BBS4: variants seen among roughly 807,000 people sequenced by gnomAD.
BBS4 encodes Bardet-Biedl syndrome 4, also known as BBSome complex member BBS4.
A neutral mutation model predicts 71.4 loss-of-function variants in BBS4; 58 were observed. The ratio of observed to expected loss-of-function variants is 0.81; its 90% CI spans 0.66 to 1.01. The LOEUF (loss-of-function observed/expected upper bound fraction) is 1.01. Among genes scored for constraint, BBS4 ranks in the 50% least tolerant of loss-of-function variants. BBS4 has a pLI of 0.00. For missense variants in BBS4, 660 were observed against 607.9 expected (o/e 1.09, Z -0.90); for synonymous variants, 228 against 216.8 (o/e 1.05, Z -0.46).
At chr15:72,720,041 CTTT>C (rs1235793757) in intron 6 of BBS4, among the ~76,000 whole-genome samples, 1 of 145,066 alleles carries the variant, frequency 6.9e-6, no homozygotes, top group Non-Finnish European at 1.5e-5. Context: ...GAGCCACCAC[CTTT>C]TTTTTTTTTA....
At chr15:72,737,177 TGGA>T in intron 15 of BBS4, 1 of 649,342 alleles carries the variant, frequency 1.5e-6, no homozygotes, top group Non-Finnish European at 2.7e-6. Context: ...CAGACTTAGT[TGGA>T]TGGTCTATAC....
At chr15:72,704,860 A>G (rs1000856511) in intron 2 of BBS4, among the ~76,000 whole-genome samples, 28 of 152,092 alleles carry the variant, frequency 1.8e-4, no homozygotes, top group African/African-American at 6.3e-4. Context: ...GGCCTTTATG[A>G]CAGAACTCGA....
chr15:72,708,390 A>C (rs2065303799), intron 2 of BBS4, among the ~76,000 whole-genome samples: 1 of 152,214 alleles, frequency 6.6e-6, no homozygotes, highest in South Asian at 2.1e-4. Context: ...GACACTTACC[A>C]GTTCCCAAAT....
In BBS4 at chr15:72,715,327, C is replaced by G; in HGVS notation, c.257C>G (p.Ser86Cys). Residue 86 changes from serine (S) to cysteine (C), a missense_variant, in exon 5 of 16, where the codon TCC (serine) becomes TGC (cysteine). By Grantham distance (112) the Ser-to-Cys change is moderately radical. Transcript: ENST00000268057. ...CGCCTAGAAGGAAATATCCAAGAAT[C>G]CCTAGAACTCTTCCAGACATGTGCA... ...IFRLEGNIQE[S>C]LELFQTCAVL... 5 of 1,613,820 alleles carry G rather than the reference C, an allele frequency of 3.1e-6. No individual in the cohort carries two copies. The highest frequency in any genetic ancestry group is 4.2e-6 in the Non-Finnish European group (5 of 1,179,772).
intron 2 of BBS4, among the ~76,000 whole-genome samples, chr15:72,702,167 C>T (rs554688229): frequency 7.2e-5 from 11 of 152,208 alleles, no homozygotes; most frequent in South Asian, 2.1e-4. Context: ...ATTAATGTTG[C>T]GTTGCTCAGT....
chr15:72,713,314 GACACACACACACAC>G (rs36072427), intron 4 of BBS4, among the ~76,000 whole-genome samples: 2 of 143,442 alleles, frequency 1.4e-5, no homozygotes, highest in Non-Finnish European at 3.0e-5. Flanking sequence ...AGGTCTTTGT[GACACACACACACAC>G]ACACACACAC....
chr15:72,694,888 C>T (rs1465725417), intron 1 of BBS4, among the ~76,000 whole-genome samples: 3 of 152,094 alleles, frequency 2.0e-5, no homozygotes, highest in African/African-American at 7.2e-5. Context: ...TGTTTAAGAA[C>T]TGAGTATATT....
At chr15:72,731,491 C>G in intron 11 of BBS4, 34 bp downstream of exon 11, 1 of 1,614,130 alleles carries the variant, frequency 6.2e-7, no homozygotes, top group Non-Finnish European at 8.5e-7. Context: ...GTTTGTATTT[C>G]TACATGTGGT....
chr15:72,721,249 T>A (rs1480888633), intron 6 of BBS4, among the ~76,000 whole-genome samples: 1 of 152,236 alleles, frequency 6.6e-6, no homozygotes, highest in East Asian at 1.9e-4. Flanking sequence ...AGTCACTACT[T>A]TTTTTCGAGT....
intron 2 of BBS4, among the ~76,000 whole-genome samples, chr15:72,701,842 C>A (rs774977772): frequency 6.6e-6 from 1 of 151,948 alleles, no homozygotes; most frequent in Non-Finnish European, 1.5e-5. Flanking sequence ...GCTTTAAAAT[C>A]ATTATTATTT....
In BBS4 at chr15:72,737,586, AAG is replaced by A. The variant is rs1374295292; in HGVS notation, c.*1_*2del. On this transcript the variant is annotated stop_retained_variant and 3_prime_UTR_variant, in exon 16 of 16. Transcript: ENST00000268057. ...ACATCAGAACAAATAAGAGAGAAAT[AAG>A]AATAGAATGAATGACCCCAAAATAG... 10 of 1,601,144 alleles carry A rather than the reference AAG, an allele frequency of 6.2e-6. No individual in the cohort carries two copies. The African/African-American group carries it at 9.4e-5, about 15-fold the overall frequency.
intron 2 of BBS4, among the ~76,000 whole-genome samples, chr15:72,699,295 C>T (rs748691400): frequency 6.6e-5 from 10 of 152,048 alleles, no homozygotes; most frequent in Non-Finnish European, 1.5e-4. Flanking sequence ...ACTATGTTGG[C>T]CAGACTGGTA....
In BBS4 at chr15:72,709,878, T is replaced by C. The variant is rs969845246; in HGVS notation, c.156+99T>C. Reference sequence around the variant, plus strand: ...AGTGTGGCAGTTTATATCTCAGTGATAAAACATGAATTCCTTCTTCCCCAT... The same window carrying C: ...AGTGTGGCAGTTTATATCTCAGTGACAAAACATGAATTCCTTCTTCCCCAT... On this transcript the variant is annotated intron_variant, in intron 3 of 15. Coordinates refer to ENST00000268057, the MANE Select transcript of BBS4 (RefSeq NM_033028.5). 1.4e-5 allele frequency: 14 copies of C among 997,880 alleles called. No homozygotes were observed. The Admixed American group carries it at 2.5e-4, about 18-fold the overall frequency. The allele number at this position is 997,880 out of a possible 1,614,324, so 61.8% of individuals were successfully genotyped here. A position where few individuals can be genotyped will look rare whatever the true frequency, so the allele number is the denominator to read the frequency against.
intron 4 of BBS4, among the ~76,000 whole-genome samples, chr15:72,713,806 A>G (rs1228095821): frequency 1.3e-5 from 2 of 152,218 alleles, no homozygotes; most frequent in Non-Finnish European, 2.9e-5. Context: ...TTAAGTGATC[A>G]TCATCATTTA....
intron 2 of BBS4, chr15:72,698,153 G>C (rs1169324099): frequency 7.5e-6 from 3 of 401,246 alleles, no homozygotes; most frequent in African/African-American, 6.1e-5. Context: ...CACAACCTGA[G>C]ACAACATACT....
Position 72,712,281 on chromosome 15 carries a change from T to G in BBS4, c.194T>G (p.Leu65Trp), listed in dbSNP as rs781493259. Reference protein sequence around the residue: ...IKEQLQETQGLCEYAIYVQAL... With the variant: ...IKEQLQETQGWCEYAIYVQAL... ...GAACAGCTTCAAGAGACTCAGGGAT[T>G]GTGTGAATATGCTATCTATGTCCAA... Residue 65 changes from leucine to tryptophan, a missense_variant, in exon 4 of 16, where the codon TTG becomes TGG. Physicochemically the swap from Leu to Trp is moderately conservative, Grantham distance 61. Coordinates refer to ENST00000268057, the MANE Select transcript of BBS4 (RefSeq NM_033028.5). The G allele has an allele frequency of 4.3e-6, 7 of 1,614,082 alleles. No individual in the cohort carries two copies. The highest frequency in any genetic ancestry group is 5.9e-6 in the Non-Finnish European group (7 of 1,179,948).
chr15:72,708,211 C>T (rs1409986957), intron 2 of BBS4, among the ~76,000 whole-genome samples: 2 of 152,200 alleles, frequency 1.3e-5, no homozygotes, highest in African/African-American at 2.4e-5. Context: ...CGTGATCTGC[C>T]TGCCTTGGCC....
intron 2 of BBS4, among the ~76,000 whole-genome samples, chr15:72,699,651 C>T (rs1461750540): frequency 6.6e-6 from 1 of 152,158 alleles, no homozygotes; most frequent in East Asian, 1.9e-4. Flanking sequence ...CCAGATGCAA[C>T]CACCATTCTG....
intron 1 of BBS4, among the ~76,000 whole-genome samples, chr15:72,693,574 T>C (rs1169958633): frequency 1.3e-5 from 2 of 152,132 alleles, no homozygotes; most frequent in African/African-American, 4.8e-5. Flanking sequence ...TAAACATGAG[T>C]GTGGGTATGT....
Sources: allele counts gnomAD v4.1 joint callset (sites outside exome capture counted in the v4.1 genomes callset), GRCh38; gene constraint gnomAD v4.1.1; transcripts MANE v1.5; gene names NCBI Gene and HGNC (gene_info 2026-07-23, HGNC 2026-07-21).